ESCO2: variants seen among roughly 807,000 people sequenced by gnomAD.
The protein encoded by ESCO2 is establishment of sister chromatid cohesion N-acetyltransferase 2, also known as N-acetyltransferase ESCO2.
Under a neutral mutation model 61.7 loss-of-function variants are expected in ESCO2, and 51 were observed. The ratio of observed to expected loss-of-function variants is 0.83; its 90% CI spans 0.66 to 1.04. The LOEUF is 1.04. Among genes scored for constraint, ESCO2 ranks in the 50% least tolerant of loss-of-function variants. ESCO2 has a pLI of 0.00. For missense variants in ESCO2, 692 were observed against 686.2 expected (o/e 1.01, Z -0.09); for synonymous variants, 230 against 238.2 (o/e 0.97, Z 0.32).
At chr8:27,801,193 A>G (rs1805415433) in intron 10 of ESCO2, among the ~76,000 whole-genome samples, 1 of 152,214 alleles carries the variant, frequency 6.6e-6, no homozygotes, top group Admixed American at 6.5e-5. Context: ...CCAATGTCAC[A>G]AACAAGCCTG....
At chr8:27,795,308 TAAGA>T (rs1243857296) in intron 9 of ESCO2, among the ~76,000 whole-genome samples, 1 of 152,218 alleles carries the variant, frequency 6.6e-6, no homozygotes, top group Non-Finnish European at 1.5e-5. Flanking sequence ...GACTTCTTTT[TAAGA>T]TAGATCATAG....
At chr8:27,796,488 G>C (rs1439522619) in intron 9 of ESCO2, among the ~76,000 whole-genome samples, 1 of 151,936 alleles carries the variant, frequency 6.6e-6, no homozygotes, top group Non-Finnish European at 1.5e-5. Flanking sequence ...ATTATTTGAG[G>C]TGTAACGTTA....
chr8:27,804,386 T>C lies in ESCO2; in HGVS notation c.*948T>C. On this transcript the variant is annotated 3_prime_UTR_variant, in exon 11 of 11. Coordinates refer to ENST00000305188, the MANE Select transcript of ESCO2 (RefSeq NM_001017420.3). ...TAGATGTTTTCATTTTCTAATTTTTTGCTTGTTTAAAATGCACCTTACTTG... is the reference window on the plus strand; with the variant it reads ...TAGATGTTTTCATTTTCTAATTTTTCGCTTGTTTAAAATGCACCTTACTTG... The C allele has an allele frequency of 1.0e-6, 1 of 985,460 alleles. No individual in the cohort carries two copies. Among genetic ancestry groups the C allele is most frequent in the Non-Finnish European group, 1.2e-6 (1 of 829,932 alleles). 61.0% of individuals were successfully genotyped at this position (985,460 alleles called of 1,614,324 possible). A position where few individuals can be genotyped will look rare whatever the true frequency, so the allele number is the denominator to read the frequency against.
At chr8:27,816,343 C>CTATA (rs767822258), downstream of ESCO2, among the ~76,000 whole-genome samples, 10 of 136,386 alleles carry the variant, frequency 7.3e-5, no homozygotes, top group African/African-American at 8.8e-5. Flanking sequence ...TCATCGAATA[C>CTATA]TATATATATA....
intron 5 of ESCO2, among the ~76,000 whole-genome samples, chr8:27,786,976 C>A (rs539604023): frequency 6.6e-6 from 1 of 151,878 alleles, no homozygotes; most frequent in South Asian, 2.1e-4. Flanking sequence ...TCAGTACCTA[C>A]AGAACCAGCA....
In ESCO2 at chr8:27,803,835, A is replaced by G. The variant is rs529251667; in HGVS notation, c.*397A>G. 6.2e-5 allele frequency: 61 copies of G among 990,846 alleles called. No individual in the cohort carries two copies. In the South Asian group the frequency reaches 2.4e-3, roughly 40 times the overall value. The allele number at this position is 990,846 out of a possible 1,614,324, so 61.4% of individuals were successfully genotyped here. A position where few individuals can be genotyped will look rare whatever the true frequency, so the allele number is the denominator to read the frequency against. ...GACCAGGATTATCTAATGCCACATC[A>G]GAAGCAAACAGGCAAATTTAAACTT... On this transcript the variant is annotated 3_prime_UTR_variant, in exon 11 of 11. Transcript: ENST00000305188.
At position 27,802,367 on chromosome 8, in the gene ESCO2, G is replaced by A. The variant is rs138173006; in HGVS notation, c.1674-939G>A. On this transcript the variant is annotated intron_variant, in intron 10 of 10. Coordinates refer to ENST00000305188, the MANE Select transcript of ESCO2 (RefSeq NM_001017420.3). ...TCCCTGTACTTTGGGAGGCCGAGGC[G>A]GGTGGATTACCTAAGGTTGGAAGTT... Among the ~76,000 whole-genome samples, 745 of 150,382 alleles carry A rather than the reference G, an allele frequency of 5.0e-3. 19 individuals are homozygous for A. In the East Asian group the frequency reaches 0.099, roughly 20 times the overall value.
rs910196541 is a variant in ESCO2 at position 27,804,557 on chromosome 8, T to A, written c.*1119T>A. On this transcript the variant is annotated 3_prime_UTR_variant, in exon 11 of 11. Coordinates refer to ENST00000305188, the MANE Select transcript of ESCO2 (RefSeq NM_001017420.3). ...ACATTTTTCTAGTGTAATTCTTGGATACTTTAAAAAGCAAAACATTGTTCA... is the reference window on the plus strand; with the variant it reads ...ACATTTTTCTAGTGTAATTCTTGGAAACTTTAAAAAGCAAAACATTGTTCA... 5 of 985,332 alleles carry A rather than the reference T, an allele frequency of 5.1e-6. No individual in the cohort carries two copies. The highest frequency in any genetic ancestry group is 4.8e-6 in the Non-Finnish European group (4 of 829,936). The allele number at this position is 985,332 out of a possible 1,614,324, so 61.0% of individuals were successfully genotyped here. A position where few individuals can be genotyped will look rare whatever the true frequency, so the allele number is the denominator to read the frequency against.
chr8:27,793,204 A>G (rs906679399), intron 9 of ESCO2, among the ~76,000 whole-genome samples: 2 of 152,166 alleles, frequency 1.3e-5, no homozygotes, highest in African/African-American at 4.8e-5. Flanking sequence ...GAAGACATGT[A>G]GTTTCTCCTT....
upstream of ESCO2, chr8:27,774,431 C>G (rs1804732757): frequency 6.6e-6 from 1 of 152,122 alleles, no homozygotes; most frequent in South Asian, 2.1e-4. Context: ...AAACAGCCAC[C>G]AGGGTGGGCG....
At chr8:27,809,207 C>T (rs543778782), downstream of ESCO2, among the ~76,000 whole-genome samples, 1 of 152,304 alleles carries the variant, frequency 6.6e-6, no homozygotes, top group Non-Finnish European at 1.5e-5. Context: ...CAAAATTATA[C>T]ATACGTTTTT....
chr8:27,775,616 G>T (rs1414978655), intron 2 of ESCO2, 49 bp downstream of exon 2: 1 of 1,594,502 alleles, frequency 6.3e-7, no homozygotes, highest in South Asian at 1.1e-5. Context: ...CCACCTTCTT[G>T]TCTCTCTTGT....
In ESCO2 at chr8:27,796,173, T is replaced by C. The variant is rs946846355; in HGVS notation, c.1497+3362T>C. 2.6e-5 allele frequency among the ~76,000 whole-genome samples: 4 copies of C among 152,166 alleles called. No homozygotes were observed. The East Asian group carries it at 5.8e-4, about 22-fold the overall frequency. On this transcript the variant is annotated intron_variant, in intron 9 of 10. Coordinates refer to ENST00000305188, the MANE Select transcript of ESCO2 (RefSeq NM_001017420.3). ...TCTTCATGATTTGGTATAGGTAGGTTGTATGCTTCTAGGAATTTATTTCTT... is the reference window on the plus strand; with the variant it reads ...TCTTCATGATTTGGTATAGGTAGGTCGTATGCTTCTAGGAATTTATTTCTT...
At chr8:27,802,276 A>C (rs944099093) in intron 10 of ESCO2, among the ~76,000 whole-genome samples, 1 of 151,510 alleles carries the variant, frequency 6.6e-6, no homozygotes, top group Admixed American at 6.6e-5. Flanking sequence ...TTCCCTTCTT[A>C]AAGCTCTCAG....
rs375906405 is a variant in ESCO2 at position 27,803,417 on chromosome 8, C to T, written c.1785C>T (p.Leu595=). Residue 595 remains leucine (L), a synonymous_variant, in exon 11 of 11, where the codon CTC becomes CTT. Transcript: ENST00000305188. ...AGTACTGCAACACCCCTAATTTCCT[C>T]GTATATAATTTTAATAGTTAAAGCT... ...ATKYCNTPNF[L]VYNFNS 59 of 1,613,172 alleles carry T rather than the reference C, an allele frequency of 3.7e-5. No homozygotes were observed. Among genetic ancestry groups the T allele is most frequent in the South Asian group, 1.1e-4 (10 of 91,048 alleles).
In ESCO2 at chr8:27,788,052, G is replaced by C. The variant is rs147574278; in HGVS notation, c.1131+50G>C. ...CTCCTATCTAGCCCTTTGCAGAAAAGCTTGCCAACCCCTGTATTAGACAGT... is the reference window on the plus strand; with the variant it reads ...CTCCTATCTAGCCCTTTGCAGAAAACCTTGCCAACCCCTGTATTAGACAGT... On this transcript the variant is annotated intron_variant, in intron 6 of 10. Transcript: ENST00000305188. The C allele has an allele frequency of 2.8e-3, 3,733 of 1,338,324 alleles. 62 individuals are homozygous for C. The African/African-American group carries it at 0.044, about 16-fold the overall frequency. 82.9% of individuals were successfully genotyped at this position (1,338,324 alleles called of 1,614,324 possible).
At chr8:27,786,846 C>G (rs1290243351) in intron 5 of ESCO2, among the ~76,000 whole-genome samples, 1 of 95,562 alleles carries the variant, frequency 1.0e-5, no homozygotes, top group Non-Finnish European at 2.1e-5. Context: ...GAACTTCTTA[C>G]TTTTGGTACT....
At chr8:27,781,708 C>G (rs1044022847) in intron 4 of ESCO2, among the ~76,000 whole-genome samples, 2 of 151,824 alleles carry the variant, frequency 1.3e-5, no homozygotes, top group African/African-American at 4.8e-5. Context: ...TTACAGGCAT[C>G]CACCACCATG....
intron 6 of ESCO2, among the ~76,000 whole-genome samples, chr8:27,788,626 C>T (rs989826465): frequency 1.2e-4 from 18 of 151,874 alleles, no homozygotes; most frequent in African/African-American, 3.6e-4. Flanking sequence ...CCCAAAGTGC[C>T]GAGATTACAG....
Sources: allele counts gnomAD v4.1 joint callset (sites outside exome capture counted in the v4.1 genomes callset), GRCh38; gene constraint gnomAD v4.1.1; transcripts MANE v1.5; gene names NCBI Gene and HGNC (gene_info 2026-07-23, HGNC 2026-07-21).